HLF: variants seen among roughly 807,000 people sequenced by gnomAD.
HLF encodes the protein HLF transcription factor, PAR bZIP family member, also known as hepatic leukemia factor.
In HLF, 3 loss-of-function variants were observed where a neutral mutation model predicts 22.6. The ratio of observed to expected loss-of-function variants is 0.13; its 90% confidence interval spans 0.06 to 0.34. The LOEUF is 0.34. Among genes scored for constraint, HLF ranks in the 10% least tolerant of loss-of-function variants. The pLI is 1.00. For synonymous variants in HLF, 151 were observed against 151.8 expected (o/e 0.99, Z 0.04); for missense variants, 299 against 389.2 (o/e 0.77, Z 1.95).
chr17:55,282,192 C>T (rs2080960884), intron 2 of HLF, among the ~76,000 whole-genome samples: 2 of 152,152 alleles, frequency 1.3e-5, no homozygotes, highest in South Asian at 2.1e-4. Context: ...ATTCGGAGTC[C>T]GAATCTGGTA....
intron 1 of HLF, 65 bp downstream of exon 1, chr17:55,265,664 G>T: frequency 7.9e-7 from 1 of 1,262,682 alleles, no homozygotes; most frequent in Non-Finnish European, 1.1e-6. Context: ...TCCGCGGCCG[G>T]GCACGCCCGC....
chr17:55,274,741 A>G (rs1156651358), intron 2 of HLF, among the ~76,000 whole-genome samples: 1 of 152,246 alleles, frequency 6.6e-6, no homozygotes, highest in Non-Finnish European at 1.5e-5. Flanking sequence ...CCTGCCTCAT[A>G]GGACTGTTGA....
intron 2 of HLF, among the ~76,000 whole-genome samples, chr17:55,300,924 C>T (rs1161756696): frequency 6.6e-6 from 1 of 152,252 alleles, no homozygotes; most frequent in Non-Finnish European, 1.5e-5. Flanking sequence ...TCAATGCTTA[C>T]CACTCTTCTT....
chr17:55,312,780 G>T (rs529033519), intron 2 of HLF, among the ~76,000 whole-genome samples: 1 of 152,054 alleles, frequency 6.6e-6, no homozygotes, highest in Admixed American at 6.6e-5. Flanking sequence ...TTAACATTTC[G>T]CAGCGAACAT....
chr17:55,316,266 G>A (rs1905060868), intron 3 of HLF, among the ~76,000 whole-genome samples: 1 of 152,114 alleles, frequency 6.6e-6, no homozygotes, highest in African/African-American at 2.4e-5. Context: ...CCAATCATGT[G>A]GGTACTAGAG....
At chr17:55,299,186 T>C (rs1329452645) in intron 2 of HLF, among the ~76,000 whole-genome samples, 1 of 152,236 alleles carries the variant, frequency 6.6e-6, no homozygotes, top group Non-Finnish European at 1.5e-5. Flanking sequence ...CCATTTTGTT[T>C]AGGTACCAGA....
chr17:55,313,742 G>A (rs1051392381), intron 2 of HLF, among the ~76,000 whole-genome samples: 1 of 152,128 alleles, frequency 6.6e-6, no homozygotes, highest in African/African-American at 2.4e-5. Context: ...TCTAGAAGCT[G>A]GAGCTGAGCT....
chr17:55,295,102 T>C (rs1325984691), intron 2 of HLF, among the ~76,000 whole-genome samples: 2 of 152,156 alleles, frequency 1.3e-5, no homozygotes, highest in Admixed American at 1.3e-4. Context: ...CGAAGAGATA[T>C]AATTAATTGT....
chr17:55,315,150 T>C, intron 2 of HLF, 77 bp from the exon 3 acceptor site: 1 of 1,061,638 alleles, frequency 9.4e-7, no homozygotes, highest in East Asian at 2.4e-5. Context: ...TTACCACTCA[T>C]CTCAGAGCAC....
At position 55,268,040 on chromosome 17, in the gene HLF, C is replaced by T. The variant is rs1178581850; in HGVS notation, c.405C>T (p.His135=). 4 of 1,601,806 alleles carry T rather than the reference C, an allele frequency of 2.5e-6. No individual in the cohort carries two copies. The highest frequency in any genetic ancestry group is 3.4e-5 in the Admixed American group (2 of 58,682). The change falls in exon 2 of 4, where the codon CAC becomes CAT. Residue 135 remains histidine (H), a synonymous_variant. Coordinates refer to ENST00000226067, the MANE Select transcript of HLF (RefSeq NM_002126.5). Reference sequence around the variant, plus strand: ...GCAGCCGGGCCTCTGCACCCCTTCACCCTGGCATCCCATCTCCGAACTGTA... The same window carrying T: ...GCAGCCGGGCCTCTGCACCCCTTCATCCTGGCATCCCATCTCCGAACTGTA... ...DLSSRASAPL[H]PGIPSPNCMQ... is the part of the protein sequence containing the mutation.
In HLF at chr17:55,302,934, A is replaced by G. The variant is rs558413634; in HGVS notation, c.452-12293A>G. Among the ~76,000 whole-genome samples, 174 of 152,316 alleles carry G rather than the reference A, an allele frequency of 1.1e-3. 2 individuals are homozygous for G. The South Asian group carries it at 0.018, about 16-fold the overall frequency. On this transcript the variant is annotated intron_variant, in intron 2 of 3. Coordinates refer to ENST00000226067, the MANE Select transcript of HLF (RefSeq NM_002126.5). ...AATTGCTTAGTGGCTCAACATCTAC[A>G]TAGTTAAAATGGGCCCATTTGGCCC... is the stretch of plus-strand genomic sequence containing the variant.
intron 2 of HLF, among the ~76,000 whole-genome samples, chr17:55,306,539 TGTG>T (rs920351535): frequency 1.1e-4 from 8 of 73,604 alleles, no homozygotes; most frequent in Admixed American, 2.5e-4. Context: ...AAAAAGGAAG[TGTG>T]TGTGTGTGTG....
intron 3 of HLF, among the ~76,000 whole-genome samples, chr17:55,316,031 G>A (rs554602798): frequency 2.0e-5 from 3 of 152,244 alleles, no homozygotes; most frequent in African/African-American, 4.8e-5. Context: ...ATATCTCACC[G>A]CTAGATTAAT....
chr17:55,266,183 GTC>G (rs1226201204), intron 1 of HLF: 1 of 152,416 alleles, frequency 6.6e-6, no homozygotes, highest in Non-Finnish European at 1.5e-5. Context: ...GGGGGGAGTG[GTC>G]TCTCGGCGGG....
chr17:55,277,237 G>C (rs1248892782), intron 2 of HLF, among the ~76,000 whole-genome samples: 1 of 75,916 alleles, frequency 1.3e-5, no homozygotes, highest in Admixed American at 1.3e-4. Context: ...CAGATGTTAT[G>C]TGTATGTGTG....
intron 1 of HLF, chr17:55,266,640 G>C (rs926673922): frequency 5.1e-5 from 8 of 157,248 alleles, no homozygotes; most frequent in African/African-American, 1.9e-4. Flanking sequence ...GGGAGGAAGG[G>C]GCTGCCTGCA....
intron 2 of HLF, among the ~76,000 whole-genome samples, chr17:55,268,678 T>C (rs1299087945): frequency 6.6e-6 from 1 of 152,174 alleles, no homozygotes; most frequent in African/African-American, 2.4e-5. Flanking sequence ...TTCTGAGCCT[T>C]CTTCAGGACC....
intron 2 of HLF, among the ~76,000 whole-genome samples, chr17:55,274,179 C>G (rs1228656067): frequency 2.6e-5 from 4 of 152,140 alleles, no homozygotes; most frequent in African/African-American, 9.7e-5. Context: ...GAGGGGAAGA[C>G]AGCCGTGATT....
intron 2 of HLF, among the ~76,000 whole-genome samples, chr17:55,290,581 A>G (rs1411002588): frequency 6.6e-6 from 1 of 152,134 alleles, no homozygotes; most frequent in African/African-American, 2.4e-5. Context: ...TGCTTCACCA[A>G]CTGGCCGTTC....
Sources: gnomAD v4.1 joint callset for allele counts (sites outside exome capture counted in the v4.1 genomes callset) on GRCh38, gnomAD v4.1.1 for gene constraint, MANE v1.5 for transcripts, NCBI Gene and HGNC (gene_info 2026-07-23, HGNC 2026-07-21) for gene names.